Variants in NRDC observed in about 807,000 individuals in gnomAD.
NRDC encodes the protein nardilysin convertase, also known as nardilysin.
In NRDC, 54 loss-of-function variants were observed where a neutral mutation model predicts 147.1. The observed-to-expected ratio is 0.37, with a 90% CI of 0.29 to 0.46. The LOEUF is 0.46. Ranked by LOEUF, NRDC falls within the 20% of genes least tolerant of loss-of-function variation. The pLI, the probability that NRDC is intolerant of heterozygous loss-of-function variation, is 1.00. For missense variants in NRDC, 1,082 were observed against 1,370.6 expected, an observed-to-expected ratio of 0.79 and a Z score of 3.33; for synonymous variants, 440 against 482.1, an observed-to-expected ratio of 0.91 and a Z score of 1.14.
At chr1:51,868,963 A>G (rs1557941406) in intron 1 of NRDC, among the ~76,000 whole-genome samples, 1 of 152,142 alleles carries the variant, frequency 6.6e-6, no homozygotes, top group African/African-American at 2.4e-5. Context: ...TTTTTGAGAT[A>G]GGGTCTCACT....
intron 1 of NRDC, among the ~76,000 whole-genome samples, chr1:51,848,372 T>C (rs916084952): frequency 1.3e-5 from 2 of 152,072 alleles, no homozygotes; most frequent in Non-Finnish European, 2.9e-5. Flanking sequence ...TCCCAGCTAC[T>C]CAGGAGGCTG....
chr1:51,842,758 AATG>A (rs1399888530), intron 1 of NRDC, among the ~76,000 whole-genome samples: 1 of 152,218 alleles, frequency 6.6e-6, no homozygotes, highest in Admixed American at 6.5e-5. Flanking sequence ...TAAGCAAAAG[AATG>A]ATAAACACAA....
intron 1 of NRDC, among the ~76,000 whole-genome samples, chr1:51,861,075 G>A (rs1008858901): frequency 6.7e-6 from 1 of 149,952 alleles, no homozygotes; most frequent in African/African-American, 2.5e-5. Flanking sequence ...TCAGCCTCCC[G>A]AGTAGCTGGG....
At chr1:51,845,596 AAAAAGAAAAG>A (rs71063056) in intron 1 of NRDC, among the ~76,000 whole-genome samples, 91 of 152,048 alleles carry the variant, frequency 6.0e-4, no homozygotes, top group Non-Finnish European at 1.1e-3. Context: ...CCGTCACAAA[AAAAAGAAAAG>A]AAAAGAAAAG....
chr1:51,821,222 A>G (rs917242001), intron 8 of NRDC, among the ~76,000 whole-genome samples: 1 of 152,146 alleles, frequency 6.6e-6, no homozygotes, highest in Non-Finnish European at 1.5e-5. Context: ...TATCACAGAA[A>G]AGCTCTAAAT....
intron 14 of NRDC, among the ~76,000 whole-genome samples, chr1:51,813,486 C>CCCAAAACA (rs1679822468): frequency 6.6e-6 from 1 of 152,082 alleles, no homozygotes; most frequent in Non-Finnish European, 1.5e-5. Flanking sequence ...CCATACGCTT[C>CCCAAAACA]CCAAAACACC....
At chr1:51,862,953 C>T (rs111941141) in intron 1 of NRDC, among the ~76,000 whole-genome samples, 1,810 of 122,428 alleles carry the variant, frequency 0.015, 42 homozygotes, top group African/African-American at 0.054. Flanking sequence ...GAGTTTGCAG[C>T]GAGCTGAAAT....
At chr1:51,810,596 T>C (rs114786082) in intron 15 of NRDC, among the ~76,000 whole-genome samples, 192 bp from the exon 16 acceptor site, 169 of 152,376 alleles carry the variant, frequency 1.1e-3, no homozygotes, top group African/African-American at 4.0e-3. Flanking sequence ...TATTGAGGTA[T>C]AGTTGACAAA....
intron 10 of NRDC, 23 bp downstream of exon 10, chr1:51,818,043 T>A: frequency 6.3e-7 from 1 of 1,582,394 alleles, no homozygotes; most frequent in Non-Finnish European, 8.6e-7. Context: ...TCTAATGAAG[T>A]AAATTTTCCC....
chr1:51,850,418 T>A (rs1205257077), intron 1 of NRDC, among the ~76,000 whole-genome samples: 1 of 139,948 alleles, frequency 7.1e-6, no homozygotes, highest in East Asian at 1.9e-4. Flanking sequence ...CTTCAACATA[T>A]ATAAATTCCA....
At chr1:51,807,796 CTTTTTTTT>C (rs35756457) in intron 17 of NRDC, among the ~76,000 whole-genome samples, 4 of 127,478 alleles carry the variant, frequency 3.1e-5, no homozygotes, top group African/African-American at 1.3e-4. Flanking sequence ...ATAATTAATA[CTTTTTTTT>C]TTTTTTTTTT....
chr1:51,851,345 A>G (rs1310981153), intron 1 of NRDC, among the ~76,000 whole-genome samples: 2 of 151,740 alleles, frequency 1.3e-5, no homozygotes, highest in Non-Finnish European at 2.9e-5. Context: ...TCACAATTTG[A>G]TTGTGATTTA....
intron 25 of NRDC, 123 bp from the exon 26 acceptor site, chr1:51,792,221 G>A (rs1052501281): frequency 2.2e-6 from 3 of 1,393,404 alleles, no homozygotes; most frequent in Non-Finnish European, 3.0e-6. Flanking sequence ...TTCCTAATTG[G>A]CCCAGGCTTA....
chr1:51,845,563 A>C (rs1026969545), intron 1 of NRDC, among the ~76,000 whole-genome samples: 3 of 152,226 alleles, frequency 2.0e-5, no homozygotes, highest in Non-Finnish European at 4.4e-5. Context: ...ACAGCACTCC[A>C]GCCTGGGCGA....
chr1:51,789,819 A>C (rs1678501564), intron 29 of NRDC, 162 bp from the exon 30 acceptor site: 1 of 608,488 alleles, frequency 1.6e-6, no homozygotes, highest in Non-Finnish European at 2.9e-6. Context: ...AACGATGATG[A>C]AGCTCTCTGG....
At chr1:51,847,571 G>A (rs1048895477) in intron 1 of NRDC, among the ~76,000 whole-genome samples, 1 of 152,228 alleles carries the variant, frequency 6.6e-6, no homozygotes, top group Non-Finnish European at 1.5e-5. Flanking sequence ...AGCGCCAGTG[G>A]GCTGGCACTG....
At chr1:51,804,052 AT>A in intron 19 of NRDC, 88 bp from the exon 20 acceptor site, 2 of 1,158,002 alleles carry the variant, frequency 1.7e-6, no homozygotes, top group Non-Finnish European at 2.4e-6. Flanking sequence ...AAGCAGCTTC[AT>A]TTTTAGAAAG....
chr1:51,790,976 T>C lies in NRDC; in HGVS notation c.2975A>G (p.Asp992Gly), dbSNP rs765730068. ...QATKYNSEVV[D>G]KKIEEFLSSF... ...AGAAAGAAACTCTTCTATCTTCTTA[T>C]CAACAACTTCAGAACTGAAACAAAA... The change falls in exon 28 of 31, where the codon GAT becomes GGT. Residue 992 changes from aspartate (D) to glycine (G), a missense_variant. Around this residue, in one of 3 missense-constraint regions of NRDC, gnomAD observed 187 missense variants for 193.6 expected, o/e 0.97. Coordinates refer to ENST00000352171, the MANE Select transcript of NRDC (RefSeq NM_001101662.2). The C allele has an allele frequency of 2.5e-6, 4 of 1,611,770 alleles. No homozygotes were observed. The highest frequency in any genetic ancestry group is 1.1e-5 in the South Asian group (1 of 90,986).
chr1:51,846,737 G>A (rs997883547), intron 1 of NRDC, among the ~76,000 whole-genome samples: 3 of 152,228 alleles, frequency 2.0e-5, no homozygotes, highest in African/African-American at 7.2e-5. Flanking sequence ...CGACCCAAGT[G>A]GGTTATCACC....
Sources: gnomAD v4.1 joint callset for allele counts (sites outside exome capture counted in the v4.1 genomes callset) on GRCh38, gnomAD v4.1.1 for gene constraint, gnomAD v4.1.1 regional missense constraint, MANE v1.5 for transcripts, NCBI Gene and HGNC (gene_info 2026-07-23, HGNC 2026-07-21) for gene names.